Variants in PRKD1 observed in about 807,000 individuals in gnomAD.
PRKD1 encodes protein kinase D1, also known as serine/threonine-protein kinase D1.
A neutral mutation model predicts 95.9 loss-of-function variants in PRKD1; 63 were observed. The observed-to-expected ratio is 0.66, with a 90% CI of 0.54 to 0.81. The LOEUF (loss-of-function observed/expected upper bound fraction) is 0.81. PRKD1 is among the 30% of genes least tolerant of loss of function. The probability of loss-of-function intolerance (pLI) is 0.00; values close to 1 mark genes in which losing one functional copy is unlikely to be tolerated. For synonymous variants in PRKD1, 425 were observed against 423.1 expected (o/e 1.00, Z -0.05); for missense variants, 1,048 against 1,165.3 (o/e 0.90, Z 1.47).
chr14:29,909,199 C>A (rs1894608360), intron 1 of PRKD1, among the ~76,000 whole-genome samples: 1 of 152,124 alleles, frequency 6.6e-6, no homozygotes, highest in Non-Finnish European at 1.5e-5. Flanking sequence ...CAGCGCTGCA[C>A]TTGAATTCTC....
chr14:29,743,058 T>C (rs995514139), intron 1 of PRKD1, among the ~76,000 whole-genome samples: 2 of 152,174 alleles, frequency 1.3e-5, no homozygotes, highest in African/African-American at 2.4e-5. Flanking sequence ...AATTTGCTTA[T>C]AATCACAAGA....
intron 1 of PRKD1, among the ~76,000 whole-genome samples, chr14:29,849,920 T>G (rs1372959795): frequency 6.6e-6 from 1 of 152,142 alleles, no homozygotes; most frequent in East Asian, 1.9e-4. Context: ...TAAATGTGAT[T>G]TCCCACGTAA....
chr14:29,799,009 G>C (rs1034583307), intron 1 of PRKD1, among the ~76,000 whole-genome samples: 1 of 152,130 alleles, frequency 6.6e-6, no homozygotes, highest in South Asian at 2.1e-4. Flanking sequence ...GTACCTCCAC[G>C]ATTTGGCAGC....
intron 2 of PRKD1, among the ~76,000 whole-genome samples, chr14:29,723,137 A>G (rs974858306): frequency 6.6e-6 from 1 of 152,210 alleles, no homozygotes; most frequent in African/African-American, 2.4e-5. Flanking sequence ...TATGTATGTT[A>G]ACAAAACCAA....
intron 17 of PRKD1, among the ~76,000 whole-genome samples, chr14:29,577,694 G>A (rs1892607132): frequency 6.6e-6 from 1 of 152,118 alleles, no homozygotes; most frequent in Non-Finnish European, 1.5e-5. Context: ...GGCAATTAAT[G>A]TTTGCAGTCA....
intron 1 of PRKD1, among the ~76,000 whole-genome samples, chr14:29,901,785 C>A (rs1894327864): frequency 6.6e-6 from 1 of 152,008 alleles, no homozygotes; most frequent in African/African-American, 2.4e-5. Flanking sequence ...CTCACTCAAG[C>A]CGTATTTATT....
intron 10 of PRKD1, among the ~76,000 whole-genome samples, chr14:29,630,023 C>T (rs1487103477): frequency 1.4e-5 from 1 of 72,210 alleles, no homozygotes; most frequent in Non-Finnish European, 2.5e-5. Context: ...TCTTCTTCTG[C>T]TTCTTCTTCT....
intron 1 of PRKD1, among the ~76,000 whole-genome samples, chr14:29,827,875 A>G (rs1891258588): frequency 6.6e-6 from 1 of 152,028 alleles, no homozygotes; most frequent in Non-Finnish European, 1.5e-5. Flanking sequence ...TTACCCAGAG[A>G]GCTCTTCTTC....
chr14:29,887,971 A>G (rs1418772653), intron 1 of PRKD1, among the ~76,000 whole-genome samples: 1 of 152,248 alleles, frequency 6.6e-6, no homozygotes, highest in Non-Finnish European at 1.5e-5. Context: ...CATAATAGAC[A>G]TAAGTCTCAT....
chr14:29,744,823 A>C (rs1211081996), intron 1 of PRKD1, among the ~76,000 whole-genome samples: 1 of 152,186 alleles, frequency 6.6e-6, no homozygotes, highest in East Asian at 1.9e-4. Flanking sequence ...CTGGAATTAC[A>C]GGCATAGCCA....
chr14:29,869,924 T>G (rs2225675), intron 1 of PRKD1, among the ~76,000 whole-genome samples: 1 of 151,972 alleles, frequency 6.6e-6, no homozygotes, highest in Non-Finnish European at 1.5e-5. Context: ...GGTGGGTATC[T>G]TCTTCTCAAA....
At chr14:29,679,502 A>G (rs1305537380) in intron 2 of PRKD1, among the ~76,000 whole-genome samples, 2 of 152,226 alleles carry the variant, frequency 1.3e-5, no homozygotes, top group Non-Finnish European at 2.9e-5. Flanking sequence ...ACAAAGTGGA[A>G]TTCATATTTT....
At chr14:29,690,658 C>T (rs1884176646) in intron 2 of PRKD1, among the ~76,000 whole-genome samples, 1 of 152,304 alleles carries the variant, frequency 6.6e-6, no homozygotes, top group Non-Finnish European at 1.5e-5. Context: ...GCATGGATAA[C>T]GGCATGACCC....
At chr14:29,718,416 G>A (rs1885730271) in intron 2 of PRKD1, among the ~76,000 whole-genome samples, 1 of 152,082 alleles carries the variant, frequency 6.6e-6, no homozygotes, top group Non-Finnish European at 1.5e-5. Flanking sequence ...CAACCATGTG[G>A]AACTGTGAGT....
intron 2 of PRKD1, among the ~76,000 whole-genome samples, chr14:29,691,136 C>G (rs557025986): frequency 6.6e-6 from 1 of 152,130 alleles, no homozygotes. Flanking sequence ...AAATGCAGGG[C>G]GAGAAAGAGC....
At chr14:29,615,915 G>A (rs1465936769) in intron 13 of PRKD1, among the ~76,000 whole-genome samples, 3 of 152,118 alleles carry the variant, frequency 2.0e-5, no homozygotes, top group Admixed American at 2.0e-4. Context: ...TTGGCTTTAG[G>A]CTGATTGGTT....
rs1893344275 is a variant in PRKD1, at chr14:29,597,342, A to G, written c.2434+149T>C. ...TCTGTTATGTGTATGTGTCCCACCC[A>G]AATTAATTCGTGTCTTTGTGTCTCC... On this transcript the variant is annotated intron_variant, in intron 16 of 17. Coordinates refer to ENST00000331968, the MANE Select transcript of PRKD1 (RefSeq NM_002742.3). The G allele has an allele frequency of 7.6e-6, 6 of 786,450 alleles. No homozygotes were observed. In the South Asian group the frequency reaches 1.7e-4, roughly 22 times the overall value. 48.7% of individuals were successfully genotyped at this position (786,450 alleles called of 1,614,324 possible). A position where few individuals can be genotyped will look rare whatever the true frequency, so the allele number is the denominator to read the frequency against.
At chr14:29,770,517 A>G (rs1408958625) in intron 1 of PRKD1, among the ~76,000 whole-genome samples, 1 of 152,230 alleles carries the variant, frequency 6.6e-6, no homozygotes, top group Non-Finnish European at 1.5e-5. Flanking sequence ...CATTCTGATG[A>G]AATCTGACAG....
chr14:29,691,207 C>A (rs989409724), intron 2 of PRKD1, among the ~76,000 whole-genome samples: 1 of 152,188 alleles, frequency 6.6e-6, no homozygotes, highest in Admixed American at 6.5e-5. Flanking sequence ...CCCCAGTTTT[C>A]CGAGTTCCTA....
Sources: gnomAD v4.1 joint callset for allele counts (sites outside exome capture counted in the v4.1 genomes callset) on GRCh38, gnomAD v4.1.1 for gene constraint, MANE v1.5 for transcripts, NCBI Gene and HGNC (gene_info 2026-07-23, HGNC 2026-07-21) for gene names.